The following INPP5A variants were observed in gnomAD, a reference collection of about 807,000 sequenced individuals.
The protein encoded by INPP5A is 43 kDa inositol polyphosphate 5-phophatase.
A neutral mutation model predicts 65.2 loss-of-function variants in INPP5A; 14 were observed. The ratio of observed to expected loss-of-function variants is 0.21; its 90% CI spans 0.14 to 0.34. The LOEUF (loss-of-function observed/expected upper bound fraction) is 0.34. INPP5A is among the 10% of genes least tolerant of loss of function. INPP5A has a pLI of 1.00. For synonymous variants in INPP5A, 207 were observed against 208.3 expected (o/e 0.99, Z 0.05); for missense variants, 431 against 545.6 (o/e 0.79, Z 2.09).
intron 6 of INPP5A, among the ~76,000 whole-genome samples, chr10:132,703,693 C>T (rs1314147126): frequency 1.8e-5 from 2 of 111,902 alleles, no homozygotes; most frequent in East Asian, 6.3e-4. Context: ...CCCCCGCAGA[C>T]ACATGCGGCT....
At chr10:132,667,022 G>T (rs1429541311) in intron 4 of INPP5A, among the ~76,000 whole-genome samples, 3 of 152,230 alleles carry the variant, frequency 2.0e-5, no homozygotes, top group African/African-American at 7.2e-5. Flanking sequence ...AAATGGCAGG[G>T]TCCTGCTGGA....
intron 11 of INPP5A, among the ~76,000 whole-genome samples, chr10:132,760,581 G>C (rs1415978852): frequency 1.3e-5 from 2 of 152,266 alleles, no homozygotes; most frequent in African/African-American, 4.8e-5. Context: ...TGGCATCGGA[G>C]GGCCCCACAC....
At chr10:132,631,638 C>T (rs749917086) in intron 2 of INPP5A, among the ~76,000 whole-genome samples, 18 of 152,216 alleles carry the variant, frequency 1.2e-4, no homozygotes, top group Non-Finnish European at 1.9e-4. Flanking sequence ...TTGGCCGTGC[C>T]GATGGACGTG....
chr10:132,563,744 C>T (rs1237146093), intron 1 of INPP5A, among the ~76,000 whole-genome samples: 3 of 152,150 alleles, frequency 2.0e-5, no homozygotes, highest in African/African-American at 7.2e-5. Flanking sequence ...AAGTTCACCC[C>T]GACAAGCAAA....
At chr10:132,542,558 C>T (rs1293276252) in intron 1 of INPP5A, among the ~76,000 whole-genome samples, 1 of 151,596 alleles carries the variant, frequency 6.6e-6, no homozygotes, top group Non-Finnish European at 1.5e-5. Context: ...GGCATCCTGA[C>T]TCTCTACCGT....
chr10:132,757,178 G>C (rs72868936), intron 11 of INPP5A, among the ~76,000 whole-genome samples: 4 of 152,254 alleles, frequency 2.6e-5, no homozygotes, highest in Middle Eastern at 6.8e-3. Context: ...GCGTCTCAGC[G>C]TTCCGTATTT....
At chr10:132,654,697 A>C (rs1271213026) in intron 4 of INPP5A, among the ~76,000 whole-genome samples, 1 of 152,254 alleles carries the variant, frequency 6.6e-6, no homozygotes, top group Admixed American at 6.5e-5. Flanking sequence ...TGGTTCAAAT[A>C]ATAGGCCATT....
intron 9 of INPP5A, among the ~76,000 whole-genome samples, chr10:132,739,209 G>A (rs1846230527): frequency 6.6e-6 from 1 of 152,242 alleles, no homozygotes; most frequent in Non-Finnish European, 1.5e-5. Context: ...TTGGCACCAT[G>A]GCACACTTTA....
intron 2 of INPP5A, among the ~76,000 whole-genome samples, chr10:132,625,070 C>G (rs1032297845): frequency 3.3e-5 from 5 of 151,734 alleles, no homozygotes; most frequent in African/African-American, 1.2e-4. Context: ...AGTTTTCTCA[C>G]AGGCTGAGCC....
At position 132,651,375 on chromosome 10, in the gene INPP5A, G is replaced by T. The variant is rs1179364856; in HGVS notation, c.306+870G>T. 1.7e-5 allele frequency among the ~76,000 whole-genome samples: 2 copies of T among 119,432 alleles called. No homozygotes were observed. The highest frequency in any genetic ancestry group is 2.5e-4 in the East Asian group (1 of 4,040). 78.4% of individuals were successfully genotyped at this position (119,432 alleles called of 152,430 possible). A position where few individuals can be genotyped will look rare whatever the true frequency, so the allele number is the denominator to read the frequency against. On this transcript the variant is annotated intron_variant, in intron 4 of 15. Transcript: ENST00000368594. The surrounding 1 kb of genome is among the most constrained non-coding windows in gnomAD (Gnocchi z 5.0). ...GGAGGCCCTGGGTCCCCCGGCCTGG[G>T]TCCATCTCCCCCGTCTCTGGGGAGG...
intron 1 of INPP5A, among the ~76,000 whole-genome samples, chr10:132,577,982 G>C (rs1014588584): frequency 1.3e-5 from 2 of 152,132 alleles, no homozygotes; most frequent in Non-Finnish European, 2.9e-5. Context: ...GGTATTTCTT[G>C]GGTTATTTTA....
At chr10:132,563,798 G>A (rs970362370) in intron 1 of INPP5A, among the ~76,000 whole-genome samples, 1 of 152,208 alleles carries the variant, frequency 6.6e-6, no homozygotes, top group Admixed American at 6.5e-5. Context: ...GACAGCCCCG[G>A]GGGATTTATA....
chr10:132,694,192 A>G (rs576623999), intron 5 of INPP5A, among the ~76,000 whole-genome samples: 1 of 152,270 alleles, frequency 6.6e-6, no homozygotes, highest in Non-Finnish European at 1.5e-5. Flanking sequence ...ATAGATTACA[A>G]TGGAATTAAA....
At chr10:132,636,211 A>G (rs2072350526) in intron 2 of INPP5A, among the ~76,000 whole-genome samples, 1 of 151,816 alleles carries the variant, frequency 6.6e-6, no homozygotes, top group Non-Finnish European at 1.5e-5. Context: ...ACACACATAT[A>G]TGCAATGTAA....
At chr10:132,763,123 A>G (rs1268861901) in intron 11 of INPP5A, among the ~76,000 whole-genome samples, 1 of 152,220 alleles carries the variant, frequency 6.6e-6, no homozygotes, top group Non-Finnish European at 1.5e-5. Flanking sequence ...GAAATCTCGA[A>G]ACATGTTGTA....
rs1845525755 is a variant in INPP5A at position 132,705,586 on chromosome 10, C to T, written c.475-2727C>T. 2.0e-5 allele frequency among the ~76,000 whole-genome samples: 3 copies of T among 152,252 alleles called. No individual in the cohort carries two copies. Among genetic ancestry groups the T allele is most frequent in the African/African-American group, 7.2e-5 (3 of 41,458 alleles). ...GCCGGGAGGAGTGTACAGGAAGTCT[C>T]TGTACCTTATGCTCAATTCTTCTGG... On this transcript the variant is annotated intron_variant, in intron 6 of 15. Transcript: ENST00000368594. This position sits in a 1 kb window ranked among gnomAD's most constrained non-coding sequence, Gnocchi z 4.9.
chr10:132,777,476 A>G (rs769055737), intron 12 of INPP5A, among the ~76,000 whole-genome samples, 195 bp from the exon 13 acceptor site: 2 of 152,278 alleles, frequency 1.3e-5, no homozygotes, highest in Admixed American at 6.5e-5. Flanking sequence ...ATTTAGTCTC[A>G]CATAAAAACA....
chr10:132,691,935 G>C (rs1845273778), intron 5 of INPP5A, among the ~76,000 whole-genome samples: 1 of 151,950 alleles, frequency 6.6e-6, no homozygotes, highest in African/African-American at 2.4e-5. Flanking sequence ...GTGTGCGGTC[G>C]CGGGAGGCGT....
Position 132,763,647 on chromosome 10 carries a change from G to GCA in INPP5A, c.904-2117_904-2116dup, listed in dbSNP as rs750329534. On this transcript the variant is annotated intron_variant, in intron 11 of 15. Coordinates refer to ENST00000368594, the MANE Select transcript of INPP5A (RefSeq NM_005539.5). ...TGTGCACACATAAACATGCCTGCAT[G>GCA]CACACACACATGCCTGTGCACACAT... Among the ~76,000 whole-genome samples the GCA allele has an allele frequency of 3.8e-4, 50 of 130,974 alleles. No homozygotes were observed. The East Asian group carries it at 5.3e-3, about 14-fold the overall frequency. 85.9% of individuals were successfully genotyped at this position (130,974 alleles called of 152,430 possible).
Sources: gnomAD v4.1 joint callset for allele counts (sites outside exome capture counted in the v4.1 genomes callset) on GRCh38, gnomAD v4.1.1 for gene constraint, Gnocchi (gnomAD v3.1) non-coding constraint, MANE v1.5 for transcripts, NCBI Gene and HGNC (gene_info 2026-07-23, HGNC 2026-07-21) for gene names.